LRP11: variants seen among roughly 807,000 people sequenced by gnomAD.
LRP11 encodes low-density lipoprotein receptor-related protein 11.
Under a neutral mutation model 43.1 loss-of-function variants are expected in LRP11, and 25 were observed. That is an observed-to-expected ratio of 0.58 (90% CI 0.42 to 0.81). The LOEUF (loss-of-function observed/expected upper bound fraction) is 0.81. LRP11 is among the 30% of genes least tolerant of loss of function. The pLI, the probability that LRP11 is intolerant of heterozygous loss-of-function variation, is 0.00. For missense variants in LRP11, 623 were observed against 665.1 expected (o/e 0.94, Z 0.70); for synonymous variants, 316 against 299.4 (o/e 1.06, Z -0.57).
At chr6:149,830,411 C>T (rs2115377710) in intron 5 of LRP11, among the ~76,000 whole-genome samples, 1 of 152,252 alleles carries the variant, frequency 6.6e-6, no homozygotes, top group South Asian at 2.1e-4. Flanking sequence ...CAGGACTGAT[C>T]CAAAGCAGTT....
Position 149,827,670 on chromosome 6 carries a change from C to T in LRP11, c.1253-1311G>A, listed in dbSNP as rs998273828. On this transcript the variant is annotated intron_variant, in intron 5 of 6. Transcript: ENST00000239367. This position sits in a 1 kb window ranked among gnomAD's most constrained non-coding sequence, Gnocchi z 4.2. Reference sequence around the variant, plus strand: ...TAGGCTGCAGGATCAGATTTCCCTGCAAAAAGAGTTCTGTTACTGTCCAAC... The same window carrying T: ...TAGGCTGCAGGATCAGATTTCCCTGTAAAAAGAGTTCTGTTACTGTCCAAC... Among the ~76,000 whole-genome samples, 2 of 152,156 alleles carry T rather than the reference C, an allele frequency of 1.3e-5. No homozygotes were observed. Among genetic ancestry groups the T allele is most frequent in the African/African-American group, 2.4e-5 (1 of 41,430 alleles).
chr6:149,838,334 G>A (rs1219056921), intron 3 of LRP11, among the ~76,000 whole-genome samples: 1 of 151,968 alleles, frequency 6.6e-6, no homozygotes, highest in Non-Finnish European at 1.5e-5. Flanking sequence ...TAACGTCCCT[G>A]GTACTGTAGA....
At chr6:149,855,650 G>A (rs1480056183) in intron 1 of LRP11, among the ~76,000 whole-genome samples, 4 of 151,588 alleles carry the variant, frequency 2.6e-5, no homozygotes, top group Admixed American at 1.3e-4. Context: ...TTAGAGATGC[G>A]GCTTTTCTGA....
intron 1 of LRP11, among the ~76,000 whole-genome samples, chr6:149,855,715 A>T (rs1171479444): frequency 9.2e-4 from 115 of 125,072 alleles, no homozygotes; most frequent in African/African-American, 5.6e-3. Context: ...TTTTTTTTAA[A>T]AAAAAAACAC....
intron 1 of LRP11, among the ~76,000 whole-genome samples, chr6:149,855,696 CCTTT>C (rs1776787517): frequency 8.9e-6 from 1 of 111,906 alleles, no homozygotes; most frequent in Non-Finnish European, 1.7e-5. Flanking sequence ...AGGGAAGATG[CCTTT>C]TTTTTTTTTT....
In LRP11 at chr6:149,853,049, T is replaced by C; in HGVS notation, c.725A>G (p.Gln242Arg). The change falls in exon 2 of 7, where the codon CAG becomes CGG. Residue 242 changes from glutamine to arginine, a missense_variant. Transcript: ENST00000239367. ...RESTDDHAIV[Q>R]YEWALLQGDP... ...CCCCTGCAGCAGTGCCCACTCATAC[T>C]GGACGATGGCGTGGTCATCTGTGCT... 6.2e-7 allele frequency: 1 copy of C among 1,612,600 alleles called. No individual in the cohort carries two copies. Among genetic ancestry groups the C allele is most frequent in the Non-Finnish European group, 8.5e-7 (1 of 1,179,268 alleles).
chr6:149,829,014 T>G (rs1583077405), intron 5 of LRP11, among the ~76,000 whole-genome samples: 1 of 152,128 alleles, frequency 6.6e-6, no homozygotes, highest in African/African-American at 2.4e-5. Context: ...ATCAGTGATA[T>G]GCAAAACAGT....
intron 2 of LRP11, among the ~76,000 whole-genome samples, chr6:149,845,521 C>T (rs1163878341): frequency 6.6e-6 from 1 of 152,150 alleles, no homozygotes; most frequent in Non-Finnish European, 1.5e-5. Flanking sequence ...CACTGCCACG[C>T]TGTTACATTA....
chr6:149,854,871 G>C (rs1303629287), intron 1 of LRP11, among the ~76,000 whole-genome samples: 1 of 152,144 alleles, frequency 6.6e-6, no homozygotes, highest in Non-Finnish European at 1.5e-5. Context: ...CTTGAGTTTC[G>C]GGGCTTACTG....
chr6:149,853,046 T>C lies in LRP11; in HGVS notation c.728A>G (p.Tyr243Cys), dbSNP rs1295843635. The C allele has an allele frequency of 7.4e-6, 12 of 1,612,360 alleles. No homozygotes were observed. The highest frequency in any genetic ancestry group is 1.1e-5 in the South Asian group (1 of 90,852). ...GTCCCCCTGCAGCAGTGCCCACTCA[T>C]ACTGGACGATGGCGTGGTCATCTGT... ...ESTDDHAIVQ[Y>C]EWALLQGDPS... Residue 243 changes from tyrosine (Y) to cysteine (C), a missense_variant, in exon 2 of 7, where the codon TAT becomes TGT. Coordinates refer to ENST00000239367, the MANE Select transcript of LRP11 (RefSeq NM_032832.6).
At chr6:149,862,467 G>T (rs9371502) in intron 1 of LRP11, among the ~76,000 whole-genome samples, 22,660 of 151,844 alleles carry the variant, frequency 0.15, 2,080 homozygotes, top group East Asian at 0.48. Flanking sequence ...TGTGCCTCCT[G>T]TATGTGTCCT....
At chr6:149,846,953 T>TAATAGAATAGAATAG (rs71010876) in intron 2 of LRP11, among the ~76,000 whole-genome samples, 5,657 of 131,458 alleles carry the variant, frequency 0.043, 166 homozygotes, top group Non-Finnish European at 0.05. Context: ...TAAAATAAAA[T>TAATAGAATAGAATAG]AATAGAATAG....
At chr6:149,830,751 C>T (rs2115378083) in intron 5 of LRP11, among the ~76,000 whole-genome samples, 1 of 152,266 alleles carries the variant, frequency 6.6e-6, no homozygotes, top group African/African-American at 2.4e-5. Flanking sequence ...TGCCCTTATT[C>T]CCTGGGGAGA....
intron 1 of LRP11, among the ~76,000 whole-genome samples, chr6:149,860,399 TCCTC>T (rs569599912): frequency 2.0e-3 from 310 of 151,888 alleles, no homozygotes; most frequent in African/African-American, 6.8e-3. Context: ...CTTCTACCTC[TCCTC>T]CCTCCCTCCC....
chr6:149,847,387 T>C (rs1776652994), intron 2 of LRP11, among the ~76,000 whole-genome samples: 1 of 152,200 alleles, frequency 6.6e-6, no homozygotes, highest in Non-Finnish European at 1.5e-5. Context: ...AGATTGAATG[T>C]CCCTTCCCTA....
At chr6:149,820,928 C>CTTTTTT (rs11399122) in intron 6 of LRP11, among the ~76,000 whole-genome samples, 2 of 116,492 alleles carry the variant, frequency 1.7e-5, no homozygotes, top group African/African-American at 3.7e-5. Flanking sequence ...CAAACCTAGA[C>CTTTTTT]TTTTTTTTTT....
At chr6:149,859,375 C>T (rs1322128417) in intron 1 of LRP11, among the ~76,000 whole-genome samples, 1 of 85,270 alleles carries the variant, frequency 1.2e-5, no homozygotes, top group East Asian at 8.9e-4. Flanking sequence ...TTCTTGCTGA[C>T]TCATATATAT....
At chr6:149,825,657 A>ATT (rs3036632) in intron 6 of LRP11, among the ~76,000 whole-genome samples, 3 of 141,614 alleles carry the variant, frequency 2.1e-5, no homozygotes, top group Non-Finnish European at 1.5e-5. Context: ...GTAAGTGAGA[A>ATT]TTTTTTTTTT....
At chr6:149,847,412 C>G (rs1776653312) in intron 2 of LRP11, among the ~76,000 whole-genome samples, 1 of 152,190 alleles carries the variant, frequency 6.6e-6, no homozygotes, top group African/African-American at 2.4e-5. Flanking sequence ...TTTTAGCTAA[C>G]GAGAGCTGTC....
Sources: gnomAD v4.1 joint callset for allele counts (sites outside exome capture counted in the v4.1 genomes callset) on GRCh38, gnomAD v4.1.1 for gene constraint, Gnocchi (gnomAD v3.1) non-coding constraint, MANE v1.5 for transcripts, NCBI Gene and HGNC (gene_info 2026-07-23, HGNC 2026-07-21) for gene names.